The following KAZN variants were observed in gnomAD, a reference collection of about 807,000 sequenced individuals.
KAZN encodes kazrin, periplakin interacting protein, also known as kazrin.
A neutral mutation model predicts 87.4 loss-of-function variants in KAZN; 40 were observed. That is an observed-to-expected ratio of 0.46 (90% CI 0.36 to 0.60). The LOEUF is 0.60. Among genes scored for constraint, KAZN ranks in the 20% least tolerant of loss-of-function variants. The probability of loss-of-function intolerance (pLI) is 0.00; values close to 1 mark genes in which losing one functional copy is unlikely to be tolerated. For synonymous variants in KAZN, 466 were observed against 458.3 expected (o/e 1.02, Z -0.22); for missense variants, 898 against 1,073.9 (o/e 0.84, Z 2.29).
intron 8 of KAZN, among the ~76,000 whole-genome samples, chr1:15,088,299 C>T (rs1253985354): frequency 6.6e-6 from 1 of 152,112 alleles, no homozygotes; most frequent in Non-Finnish European, 1.5e-5. Context: ...TATGCTGGGC[C>T]AACACAATTG....
At chr1:15,048,613 TGGTCCTGGGTCGTCGGTCCTGGGTCGTC>T (rs1428878494) in intron 4 of KAZN, among the ~76,000 whole-genome samples, 5 of 130,956 alleles carry the variant, frequency 3.8e-5, no homozygotes, top group South Asian at 2.2e-4. Flanking sequence ...CCTGGGTCGC[TGGTCCTGGGTCGTCGGTCCTGGGTCGTC>T]GGTCCTGGGT....
intron 1 of KAZN, among the ~76,000 whole-genome samples, chr1:14,068,949 C>A (rs956338797): frequency 6.6e-6 from 1 of 152,060 alleles, no homozygotes; most frequent in South Asian, 2.1e-4. Flanking sequence ...CAGGCACGTG[C>A]CACCACGCCT....
chr1:14,200,847 C>CT (rs542853245), intron 2 of KAZN, among the ~76,000 whole-genome samples: 67 of 145,866 alleles, frequency 4.6e-4, no homozygotes, highest in Middle Eastern at 3.6e-3. Flanking sequence ...GTCTTGGTTA[C>CT]TTTTTTTTTT....
At chr1:14,754,948 C>A (rs1644515841) in intron 1 of KAZN, among the ~76,000 whole-genome samples, 1 of 151,976 alleles carries the variant, frequency 6.6e-6, no homozygotes, top group South Asian at 2.1e-4. Flanking sequence ...TTAAGTGAAA[C>A]AAGTCTCGCA....
chr1:14,474,658 CT>C (rs1399776438), intron 2 of KAZN, among the ~76,000 whole-genome samples: 2 of 152,072 alleles, frequency 1.3e-5, no homozygotes, highest in Non-Finnish European at 2.9e-5. Flanking sequence ...TATTTAAGAG[CT>C]TGAATTTGGG....
chr1:13,924,458 A>G (rs1640192542), intron 1 of KAZN, among the ~76,000 whole-genome samples: 1 of 152,168 alleles, frequency 6.6e-6, no homozygotes, highest in Admixed American at 6.5e-5. Context: ...TTTAATTTAT[A>G]TATTGTGAAA....
At chr1:14,541,336 C>G (rs563895820) in intron 2 of KAZN, among the ~76,000 whole-genome samples, 21 of 152,116 alleles carry the variant, frequency 1.4e-4, no homozygotes, top group Non-Finnish European at 1.0e-4. Flanking sequence ...ATTTCTATGA[C>G]GGTGATTTGT....
intron 2 of KAZN, among the ~76,000 whole-genome samples, chr1:15,031,883 C>T (rs1671748167): frequency 6.6e-6 from 1 of 152,138 alleles, no homozygotes; most frequent in Non-Finnish European, 1.5e-5. Context: ...GCTAGGATTA[C>T]AAGCATGAGC....
chr1:13,981,089 T>TCTCTATATATATATATATATATATATA, intron 1 of KAZN, among the ~76,000 whole-genome samples: 1 of 63,136 alleles, frequency 1.6e-5, no homozygotes, highest in East Asian at 2.8e-4. Context: ...AAATTACTCT[T>TCTCTATATATATATATATATATATATA]TATATATATA....
intron 1 of KAZN, among the ~76,000 whole-genome samples, chr1:14,173,919 G>A (rs1646012426): frequency 6.6e-6 from 1 of 152,194 alleles, no homozygotes; most frequent in African/African-American, 2.4e-5. Flanking sequence ...GCTTTTATTA[G>A]AAGAGGGAAA....
chr1:14,217,324 T>G, intron 2 of KAZN, among the ~76,000 whole-genome samples: 1 of 151,370 alleles, frequency 6.6e-6, no homozygotes, highest in East Asian at 1.9e-4. Flanking sequence ...TAATAAAGAG[T>G]AAAATAGCTT....
At chr1:14,095,371 T>C (rs1644104866) in intron 1 of KAZN, among the ~76,000 whole-genome samples, 1 of 152,228 alleles carries the variant, frequency 6.6e-6, no homozygotes. Flanking sequence ...TCACATACGT[T>C]GCATAAGCAG....
intron 1 of KAZN, among the ~76,000 whole-genome samples, chr1:14,629,255 T>G (rs1679380708): frequency 6.6e-6 from 1 of 152,114 alleles, no homozygotes; most frequent in Non-Finnish European, 1.5e-5. Flanking sequence ...TGGCGTGTGT[T>G]TATTTGTTAG....
intron 1 of KAZN, among the ~76,000 whole-genome samples, chr1:14,814,558 G>A (rs1050137244): frequency 3.3e-5 from 5 of 152,182 alleles, no homozygotes; most frequent in African/African-American, 7.2e-5. Context: ...TCTCTGCCCC[G>A]TGCTCTGAGC....
At chr1:13,946,386 G>A (rs1570356118) in intron 1 of KAZN, among the ~76,000 whole-genome samples, 1 of 151,954 alleles carries the variant, frequency 6.6e-6, no homozygotes, top group East Asian at 1.9e-4. Context: ...ATGTGACCTG[G>A]GACAAATTAC....
Position 14,968,267 on chromosome 1 carries a change from C to T in KAZN, c.418+7392C>T, listed in dbSNP as rs967564847. ...CACATGCGCAGTTCACAAGAGGGTT[C>T]GTGCTCCTATGAGAGTCTAATGCCA... On this transcript the variant is annotated intron_variant, in intron 2 of 14. Transcript: ENST00000376030. Among the ~76,000 whole-genome samples the T allele has an allele frequency of 3.9e-5, 6 of 152,048 alleles. No homozygotes were observed. In the East Asian group the frequency reaches 9.6e-4, roughly 24 times the overall value.
upstream of KAZN, among the ~76,000 whole-genome samples, chr1:14,596,623 C>A (rs1456968774): frequency 6.6e-6 from 1 of 152,236 alleles, no homozygotes; most frequent in Non-Finnish European, 1.5e-5. Context: ...CTCCCCACAG[C>A]CCCTGACAAA....
chr1:14,111,774 C>G (rs1192894568), intron 1 of KAZN, among the ~76,000 whole-genome samples: 4 of 144,208 alleles, frequency 2.8e-5, no homozygotes, highest in Non-Finnish European at 6.0e-5. Context: ...GAGTCTCGCT[C>G]TGTCGCCCAG....
intron 2 of KAZN, among the ~76,000 whole-genome samples, chr1:14,544,116 T>C (rs1293239596): frequency 6.6e-6 from 1 of 152,146 alleles, no homozygotes; most frequent in African/African-American, 2.4e-5. Context: ...AAAGCACCAA[T>C]TGAAATCAGA....
Sources: gnomAD v4.1 joint callset for allele counts (sites outside exome capture counted in the v4.1 genomes callset) on GRCh38, gnomAD v4.1.1 for gene constraint, MANE v1.5 for transcripts, NCBI Gene and HGNC (gene_info 2026-07-23, HGNC 2026-07-21) for gene names.